LRMDA: variants seen among roughly 807,000 people sequenced by gnomAD.
LRMDA encodes leucine-rich melanocyte differentiation-associated protein.
LRMDA carries 18 observed loss-of-function variants against 29.8 expected under a neutral mutation model. That is an observed-to-expected ratio of 0.60 (90% CI 0.42 to 0.90). LRMDA has a LOEUF of 0.90. Among genes scored for constraint, LRMDA ranks in the 40% least tolerant of loss-of-function variants. The pLI is 0.00. For synonymous variants in LRMDA, 125 were observed against 109.4 expected, an observed-to-expected ratio of 1.14 and a Z score of -0.89; for missense variants, 273 against 273.9, an observed-to-expected ratio of 1.00 and a Z score of 0.02.
At chr10:76,549,985 G>A (rs1843474068) in intron 6 of LRMDA, among the ~76,000 whole-genome samples, 1 of 152,116 alleles carries the variant, frequency 6.6e-6, no homozygotes, top group Admixed American at 6.5e-5. Flanking sequence ...TCAAGAAAAT[G>A]GGACTTTGTA....
chr10:76,091,135 T>C (rs1849224029), intron 5 of LRMDA, among the ~76,000 whole-genome samples: 1 of 152,220 alleles, frequency 6.6e-6, no homozygotes. Flanking sequence ...AAGCCTGCTC[T>C]TCTCAACTGT....
chr10:76,265,448 C>A (rs938048675), intron 5 of LRMDA, among the ~76,000 whole-genome samples: 1 of 152,162 alleles, frequency 6.6e-6, no homozygotes, highest in African/African-American at 2.4e-5. Flanking sequence ...TCACACTCAG[C>A]GCAGCCGAAT....
intron 2 of LRMDA, among the ~76,000 whole-genome samples, chr10:75,697,681 CCTTATCAGCTCTATGA>C (rs904791597): frequency 1.3e-5 from 2 of 152,024 alleles, no homozygotes; most frequent in Non-Finnish European, 2.9e-5. Context: ...ATTTTAAGGA[CCTTATCAGCTCTATGA>C]CTTATCAGCT....
intron 2 of LRMDA, among the ~76,000 whole-genome samples, chr10:75,466,880 AG>A (rs1216779375): frequency 6.6e-6 from 1 of 152,118 alleles, no homozygotes; most frequent in Non-Finnish European, 1.5e-5. Flanking sequence ...CTTTCTGAAA[AG>A]GAAAGAAAAA....
intron 2 of LRMDA, among the ~76,000 whole-genome samples, chr10:75,847,299 C>T (rs1403384451): frequency 6.6e-6 from 1 of 152,082 alleles, no homozygotes; most frequent in Admixed American, 6.5e-5. Flanking sequence ...AAGTGGATAA[C>T]CATATGCAAA....
intron 2 of LRMDA, among the ~76,000 whole-genome samples, chr10:75,930,918 C>T (rs1174632056): frequency 6.6e-6 from 1 of 152,132 alleles, no homozygotes; most frequent in African/African-American, 2.4e-5. Flanking sequence ...TTAGATTCTC[C>T]CAGTACTGGG....
chr10:76,385,532 CTAG>C (rs919905289), intron 6 of LRMDA, among the ~76,000 whole-genome samples: 1 of 152,182 alleles, frequency 6.6e-6, no homozygotes, highest in Admixed American at 6.5e-5. Flanking sequence ...TTTTCAAAAT[CTAG>C]TAGTAGTAAA....
At chr10:76,135,024 A>G (rs1452794928) in intron 5 of LRMDA, among the ~76,000 whole-genome samples, 1 of 152,230 alleles carries the variant, frequency 6.6e-6, no homozygotes, top group Non-Finnish European at 1.5e-5. Context: ...CCACCAGTTT[A>G]GTTGGTATTG....
chr10:76,160,311 A>G (rs1340878040), intron 5 of LRMDA, among the ~76,000 whole-genome samples: 1 of 151,192 alleles, frequency 6.6e-6, no homozygotes, highest in Non-Finnish European at 1.5e-5. Flanking sequence ...TAAATATTTT[A>G]TAATTGAAAG....
intron 2 of LRMDA, among the ~76,000 whole-genome samples, chr10:75,634,566 G>A (rs35269616): frequency 0.18 from 27,289 of 152,172 alleles, 2,519 homozygotes; most frequent in East Asian, 0.31. Flanking sequence ...CACTCTGTAT[G>A]TTACCTGCCC....
chr10:75,873,877 A>C (rs577103959), intron 2 of LRMDA, among the ~76,000 whole-genome samples: 5 of 152,294 alleles, frequency 3.3e-5, no homozygotes, highest in Middle Eastern at 3.4e-3. Context: ...GTATAGTATC[A>C]GGTCTGATGT....
At chr10:75,896,251 C>T (rs962414840) in intron 2 of LRMDA, among the ~76,000 whole-genome samples, 4 of 152,128 alleles carry the variant, frequency 2.6e-5, no homozygotes, top group African/African-American at 9.7e-5. Flanking sequence ...GTTCTGGCTC[C>T]ACCTGCTAGC....
chr10:76,279,539 CTTTTT>C (rs759651873), intron 5 of LRMDA, among the ~76,000 whole-genome samples: 2 of 93,806 alleles, frequency 2.1e-5, no homozygotes, highest in East Asian at 3.0e-4. Context: ...ACAAATGCTT[CTTTTT>C]TTTTTTTTTT....
At chr10:75,523,887 A>G (rs1291012543) in intron 2 of LRMDA, among the ~76,000 whole-genome samples, 1 of 152,054 alleles carries the variant, frequency 6.6e-6, no homozygotes, top group Non-Finnish European at 1.5e-5. Flanking sequence ...CCCAGTTGAT[A>G]ATTTTTATAT....
chr10:76,229,970 T>C (rs1852028951), intron 5 of LRMDA, among the ~76,000 whole-genome samples: 1 of 152,134 alleles, frequency 6.6e-6, no homozygotes, highest in South Asian at 2.1e-4. Flanking sequence ...TTCTATCTAT[T>C]GGTAGGCTGC....
intron 2 of LRMDA, among the ~76,000 whole-genome samples, chr10:75,572,068 C>T (rs1253133053): frequency 6.6e-6 from 1 of 152,134 alleles, no homozygotes; most frequent in Non-Finnish European, 1.5e-5. Flanking sequence ...ATTCTCTTGC[C>T]TCAGCCTCCT....
chr10:75,895,579 G>T (rs549419775), intron 2 of LRMDA, among the ~76,000 whole-genome samples: 1 of 152,132 alleles, frequency 6.6e-6, no homozygotes, highest in Non-Finnish European at 1.5e-5. Context: ...ATATCTCCTA[G>T]GACTTTGGCA....
intron 5 of LRMDA, among the ~76,000 whole-genome samples, chr10:76,246,990 T>C (rs74150555): frequency 0.048 from 7,286 of 152,234 alleles, 590 homozygotes; most frequent in African/African-American, 0.16. Flanking sequence ...GTGAAAACAA[T>C]GGATTTAAAT....
intron 6 of LRMDA, among the ~76,000 whole-genome samples, chr10:76,479,065 TAAA>T (rs890796403): frequency 1.3e-5 from 2 of 150,816 alleles, no homozygotes; most frequent in Admixed American, 6.6e-5. Flanking sequence ...TATATATAAA[TAAA>T]AAAAGATCAC....
Sources: gnomAD v4.1 joint callset for allele counts (sites outside exome capture counted in the v4.1 genomes callset) on GRCh38, gnomAD v4.1.1 for gene constraint, MANE v1.5 for transcripts, NCBI Gene and HGNC (gene_info 2026-07-23, HGNC 2026-07-21) for gene names.